Variants in CELF2 observed in about 807,000 individuals in gnomAD.
The protein encoded by CELF2 is CUG triplet repeat RNA-binding protein 2.
CELF2 carries 8 observed loss-of-function variants against 62.6 expected under a neutral mutation model. That is an observed-to-expected ratio of 0.13 (90% CI 0.07 to 0.23). The LOEUF is 0.23. Among genes scored for constraint, CELF2 ranks in the 10% least tolerant of loss-of-function variants. The pLI, the probability that CELF2 is intolerant of heterozygous loss-of-function variation, is 1.00. For synonymous variants in CELF2, 258 were observed against 250.0 expected, an observed-to-expected ratio of 1.03 and a Z score of -0.30; for missense variants, 333 against 671.0, an observed-to-expected ratio of 0.50 and a Z score of 5.56.
At chr10:11,219,104 G>C (rs896752279) in intron 3 of CELF2, among the ~76,000 whole-genome samples, 1 of 152,144 alleles carries the variant, frequency 6.6e-6, no homozygotes, top group South Asian at 2.1e-4. Flanking sequence ...TAGCATTTAA[G>C]GTATAGTGTA....
chr10:10,964,948 A>G (rs1357684050), intron 2 of CELF2, among the ~76,000 whole-genome samples: 1 of 152,210 alleles, frequency 6.6e-6, no homozygotes, highest in Non-Finnish European at 1.5e-5. Context: ...AAAAACTCTT[A>G]GCCCTCACGG....
intron 11 of CELF2, among the ~76,000 whole-genome samples, chr10:11,325,121 G>A (rs1461077351): frequency 6.6e-6 from 1 of 152,188 alleles, no homozygotes. Flanking sequence ...TGCTGCCTGT[G>A]TTTACTGGGA....
the CELF2 span, among the ~76,000 whole-genome samples, chr10:10,667,639 C>T: frequency 6.6e-6 from 1 of 152,162 alleles, no homozygotes; most frequent in Non-Finnish European, 1.5e-5. Flanking sequence ...ATCTTGGAAA[C>T]GTTCTCCCGT....
At chr10:11,059,303 AG>A (rs1460109397) in intron 1 of CELF2, among the ~76,000 whole-genome samples, 1 of 152,138 alleles carries the variant, frequency 6.6e-6, no homozygotes, top group African/African-American at 2.4e-5. Context: ...TGTCTGTTTT[AG>A]GGTGGAAAAC....
the CELF2 span, among the ~76,000 whole-genome samples, chr10:10,774,006 C>T: frequency 1.7e-4 from 26 of 152,304 alleles, no homozygotes; most frequent in African/African-American, 6.0e-4. Flanking sequence ...CACTTCCATA[C>T]TTGATATTTT....
At chr10:11,084,078 G>A (rs944968797) in intron 1 of CELF2, among the ~76,000 whole-genome samples, 1 of 152,240 alleles carries the variant, frequency 6.6e-6, no homozygotes, top group African/African-American at 2.4e-5. Context: ...AGCAAGTAAT[G>A]TTTTGGCAAG....
the CELF2 span, among the ~76,000 whole-genome samples, chr10:10,576,410 T>C: frequency 6.6e-6 from 1 of 152,278 alleles, no homozygotes; most frequent in Admixed American, 6.5e-5. Context: ...GATGAGCTCA[T>C]GAAAGAAGAA....
the CELF2 span, among the ~76,000 whole-genome samples, chr10:10,552,014 C>T: frequency 6.6e-6 from 1 of 152,050 alleles, no homozygotes; most frequent in Non-Finnish European, 1.5e-5. Flanking sequence ...ATCTGCAGAG[C>T]CCCAGAGAGG....
intron 1 of CELF2, among the ~76,000 whole-genome samples, chr10:11,059,509 G>A (rs188980411): frequency 2.0e-5 from 3 of 152,302 alleles, no homozygotes; most frequent in Admixed American, 2.0e-4. Context: ...TAAGGCTAAG[G>A]CTGATTGAAG....
intron 1 of CELF2, among the ~76,000 whole-genome samples, chr10:11,031,994 C>T (rs1324547084): frequency 6.6e-6 from 1 of 152,028 alleles, no homozygotes; most frequent in Non-Finnish European, 1.5e-5. Context: ...TCTATTTCCA[C>T]CCTGTGAAAC....
chr10:11,125,665 A>AT (rs1377264740), intron 1 of CELF2, among the ~76,000 whole-genome samples: 1 of 152,098 alleles, frequency 6.6e-6, no homozygotes, highest in African/African-American at 2.4e-5. Context: ...TAGAGCGGTG[A>AT]TGGTAGCGTT....
At chr10:11,226,274 A>C (rs1202408029) in intron 3 of CELF2, among the ~76,000 whole-genome samples, 2 of 152,360 alleles carry the variant, frequency 1.3e-5, no homozygotes, top group East Asian at 3.9e-4. Flanking sequence ...TTTGGGGTTA[A>C]ACAGCTGGCA....
At chr10:10,703,706 A>G in the CELF2 span, among the ~76,000 whole-genome samples, 1 of 152,232 alleles carries the variant, frequency 6.6e-6, no homozygotes, top group African/African-American at 2.4e-5. Context: ...ATATAAAATG[A>G]TGGGTAATAA....
At chr10:11,061,829 T>C (rs866916087) in intron 1 of CELF2, among the ~76,000 whole-genome samples, 80 of 152,376 alleles carry the variant, frequency 5.3e-4, no homozygotes, top group Admixed American at 3.4e-3. Context: ...TTTGTTTTAA[T>C]TGAGGCAGAG....
the CELF2 span, among the ~76,000 whole-genome samples, chr10:10,515,981 C>T: frequency 2.6e-5 from 4 of 152,098 alleles, no homozygotes; most frequent in South Asian, 2.1e-4. Context: ...TGATAAGAGA[C>T]GGTAGTAATA....
At chr10:10,535,060 T>C in the CELF2 span, among the ~76,000 whole-genome samples, 1 of 152,258 alleles carries the variant, frequency 6.6e-6, no homozygotes, top group African/African-American at 2.4e-5. Flanking sequence ...GTTTACCTCC[T>C]GTTTTAATCA....
At chr10:10,520,431 C>A in the CELF2 span, among the ~76,000 whole-genome samples, 1 of 152,158 alleles carries the variant, frequency 6.6e-6, no homozygotes, top group Non-Finnish European at 1.5e-5. Flanking sequence ...TTGAGCTAAG[C>A]ACTGGATACC....
intron 1 of CELF2, among the ~76,000 whole-genome samples, chr10:10,846,489 C>T (rs1440176975): frequency 6.6e-6 from 1 of 152,166 alleles, no homozygotes; most frequent in Non-Finnish European, 1.5e-5. Context: ...CCAGAAGAGT[C>T]TATGTATGTG....
chr10:10,918,461 A>G (rs1285257163), intron 1 of CELF2, among the ~76,000 whole-genome samples: 2 of 152,242 alleles, frequency 1.3e-5, no homozygotes, highest in African/African-American at 4.8e-5. Flanking sequence ...TTAGGAAAGA[A>G]TATTTTTATA....
Sources: allele counts gnomAD v4.1 joint callset (sites outside exome capture counted in the v4.1 genomes callset), GRCh38; gene constraint gnomAD v4.1.1; transcripts MANE v1.5; gene names NCBI Gene and HGNC (gene_info 2026-07-23, HGNC 2026-07-21).